The following CNTN4 variants were observed in gnomAD, a reference collection of about 807,000 sequenced individuals.
CNTN4 encodes contactin-4.
CNTN4 carries 77 observed loss-of-function variants against 122.5 expected under a neutral mutation model. That is an observed-to-expected ratio of 0.63 (90% CI 0.52 to 0.76). CNTN4 has a LOEUF of 0.76. Ranked by LOEUF, CNTN4 falls within the 30% of genes least tolerant of loss-of-function variation. The pLI, the probability that CNTN4 is intolerant of heterozygous loss-of-function variation, is 0.00. For missense variants in CNTN4, 1,256 were observed against 1,259.1 expected (o/e 1.00, Z 0.04); for synonymous variants, 512 against 447.0 (o/e 1.15, Z -1.83).
rs553510490 is a variant in CNTN4, at chr3:2,230,631, C to A, written c.-144-108547C>A. Among the ~76,000 whole-genome samples, 445 of 152,210 alleles carry A rather than the reference C, an allele frequency of 2.9e-3. 2 individuals carry two copies. The highest frequency in any genetic ancestry group is 6.8e-3 in the Middle Eastern group (2 of 294). On this transcript the variant is annotated intron_variant, in intron 2 of 24. Transcript: ENST00000418658. ...GCACCCACGGGTACATACAAAAGAA[C>A]ACATGTCATATACCTGTGTCATGAA...
At chr3:2,611,297 C>CAAAAAAAAAAAAAAAA (rs201162114) in intron 4 of CNTN4, among the ~76,000 whole-genome samples, 55 of 62,234 alleles carry the variant, frequency 8.8e-4, no homozygotes, top group African/African-American at 3.3e-3. Flanking sequence ...CACCTGGAAC[C>CAAAAAAAAAAAAAAAA]AAAAAAAAAA....
At chr3:2,104,164 T>A (rs75892159) in intron 2 of CNTN4, among the ~76,000 whole-genome samples, 9,190 of 151,988 alleles carry the variant, frequency 0.06, 943 homozygotes, top group African/African-American at 0.21. Flanking sequence ...ATCCTGAGAA[T>A]TTTGCTTTTT....
chr3:2,237,591 A>C (rs1055034890), intron 2 of CNTN4, among the ~76,000 whole-genome samples: 1 of 152,206 alleles, frequency 6.6e-6, no homozygotes, highest in Non-Finnish European at 1.5e-5. Context: ...TAAAAGCTTT[A>C]TAATTGTTGT....
At chr3:2,744,070 C>A (rs1482411237) in intron 5 of CNTN4, among the ~76,000 whole-genome samples, 1 of 152,122 alleles carries the variant, frequency 6.6e-6, no homozygotes, top group Non-Finnish European at 1.5e-5. Flanking sequence ...CTGCTTCAGC[C>A]TCCCGAAGTG....
chr3:2,885,615 T>C (rs1054511005), intron 9 of CNTN4, among the ~76,000 whole-genome samples: 2 of 152,158 alleles, frequency 1.3e-5, no homozygotes, highest in Non-Finnish European at 2.9e-5. Context: ...GGCACTTGCA[T>C]TGTTGGTACA....
At chr3:2,147,726 C>T (rs1299537247) in intron 2 of CNTN4, among the ~76,000 whole-genome samples, 1 of 152,186 alleles carries the variant, frequency 6.6e-6, no homozygotes, top group Non-Finnish European at 1.5e-5. Context: ...GCCTTTATGA[C>T]ACAATTCTAG....
At chr3:2,873,744 C>A (rs972472266) in intron 8 of CNTN4, among the ~76,000 whole-genome samples, 3 of 152,154 alleles carry the variant, frequency 2.0e-5, no homozygotes, top group African/African-American at 4.8e-5. Context: ...GGTTTTTGAA[C>A]CCAGTCATTT....
At chr3:3,047,144 G>A (rs6789257) in intron 23 of CNTN4, among the ~76,000 whole-genome samples, 5 of 151,164 alleles carry the variant, frequency 3.3e-5, no homozygotes, top group African/African-American at 7.3e-5. Flanking sequence ...TGAGTGACCT[G>A]CAAAGAGACT....
chr3:2,739,564 G>A (rs1484207880), intron 5 of CNTN4, among the ~76,000 whole-genome samples: 1 of 151,926 alleles, frequency 6.6e-6, no homozygotes, highest in African/African-American at 2.4e-5. Context: ...TTTGAAAGTG[G>A]TTGAGATGGA....
chr3:2,308,716 G>C (rs577001353), intron 2 of CNTN4, among the ~76,000 whole-genome samples: 1 of 151,866 alleles, frequency 6.6e-6, no homozygotes, highest in Non-Finnish European at 1.5e-5. Context: ...TTTTAGTTTT[G>C]ATTGCTAATT....
rs1304387629 is a variant in CNTN4, at chr3:3,042,430, A to G, written c.2511+8A>G. 2 of 1,548,742 alleles carry G rather than the reference A, an allele frequency of 1.3e-6. No homozygotes were observed. ...CGAATACAAGGTTATGAGGTAGGCAAGACATATGTGCCTTGGGTCTGAAAG... is the reference window on the plus strand; with the variant it reads ...CGAATACAAGGTTATGAGGTAGGCAGGACATATGTGCCTTGGGTCTGAAAG... On this transcript the variant is annotated splice_region_variant and intron_variant, in intron 21 of 24. Transcript: ENST00000418658.
chr3:2,810,088 T>C (rs1040731166), intron 6 of CNTN4, among the ~76,000 whole-genome samples: 1 of 152,216 alleles, frequency 6.6e-6, no homozygotes, highest in Admixed American at 6.5e-5. Flanking sequence ...GTTTCATCCC[T>C]GTTATTTAAT....
Position 2,341,136 on chromosome 3 carries a change from T to C in CNTN4, c.-89+1903T>C, listed in dbSNP as rs11706536. Among the ~76,000 whole-genome samples, 599 of 152,254 alleles carry C rather than the reference T, an allele frequency of 3.9e-3. 1 individual carries two copies. The highest frequency in any genetic ancestry group is 0.014 in the African/African-American group (571 of 41,560). On this transcript the variant is annotated intron_variant, in intron 3 of 24. Coordinates refer to ENST00000418658, the MANE Select transcript of CNTN4 (RefSeq NM_175607.3). Reference sequence around the variant, plus strand: ...TACTCTGTTCCTTCTCCTTGGAATATTCTTTCTTTCCATCTTTTTATTCCA... The same window carrying C: ...TACTCTGTTCCTTCTCCTTGGAATACTCTTTCTTTCCATCTTTTTATTCCA...
intron 3 of CNTN4, among the ~76,000 whole-genome samples, chr3:2,472,468 G>A (rs1421890879): frequency 1.3e-5 from 2 of 152,042 alleles, no homozygotes; most frequent in African/African-American, 4.8e-5. Flanking sequence ...CAAATTTCTG[G>A]CCTCATGTGA....
chr3:3,045,610 A>G (rs1432811651), intron 23 of CNTN4, among the ~76,000 whole-genome samples: 1 of 152,250 alleles, frequency 6.6e-6, no homozygotes, highest in African/African-American at 2.4e-5. Context: ...AAGGACATCC[A>G]CACCAAAACC....
intron 2 of CNTN4, among the ~76,000 whole-genome samples, chr3:2,147,184 C>G (rs2035286632): frequency 6.6e-6 from 1 of 151,954 alleles, no homozygotes; most frequent in Non-Finnish European, 1.5e-5. Flanking sequence ...TGGCCTCATT[C>G]CATAGTATTA....
chr3:2,466,621 TTTGGGCA>T (rs2075506564), intron 3 of CNTN4, among the ~76,000 whole-genome samples: 1 of 152,202 alleles, frequency 6.6e-6, no homozygotes. Flanking sequence ...TGGACAATGT[TTTGGGCA>T]TTGGCTGTCA....
chr3:2,531,205 C>T (rs1034057239), intron 3 of CNTN4, among the ~76,000 whole-genome samples: 3 of 152,198 alleles, frequency 2.0e-5, no homozygotes, highest in Non-Finnish European at 4.4e-5. Context: ...CCTCATCCTC[C>T]TCTGTTAGCC....
intron 14 of CNTN4, among the ~76,000 whole-genome samples, chr3:3,019,214 AG>A (rs1698047033): frequency 6.6e-6 from 1 of 152,210 alleles, no homozygotes; most frequent in Non-Finnish European, 1.5e-5. Context: ...ATGGATTCTA[AG>A]GCTGGTGGGT....
Sources: allele counts gnomAD v4.1 joint callset (sites outside exome capture counted in the v4.1 genomes callset), GRCh38; gene constraint gnomAD v4.1.1; transcripts MANE v1.5; gene names NCBI Gene and HGNC (gene_info 2026-07-23, HGNC 2026-07-21).